Variants in FMN2 observed in about 807,000 individuals in gnomAD.
FMN2 encodes formin-2.
Under a neutral mutation model 142.3 loss-of-function variants are expected in FMN2, and 51 were observed. The ratio of observed to expected loss-of-function variants is 0.36; its 90% CI spans 0.29 to 0.45. FMN2 has a LOEUF of 0.45. Ranked by LOEUF, FMN2 falls within the 20% of genes least tolerant of loss-of-function variation. The pLI is 1.00. For missense variants in FMN2, 1,936 were observed against 2,122.8 expected, an observed-to-expected ratio of 0.91 and a Z score of 1.73; for synonymous variants, 882 against 869.8, an observed-to-expected ratio of 1.01 and a Z score of -0.25.
chr1:240,169,288 G>T (rs1275579899), intron 2 of FMN2, among the ~76,000 whole-genome samples: 3 of 152,148 alleles, frequency 2.0e-5, no homozygotes, highest in African/African-American at 7.2e-5. Flanking sequence ...AATGGGATGG[G>T]CATTTTCAGT....
chr1:240,103,002 C>T (rs1294115109), intron 1 of FMN2, among the ~76,000 whole-genome samples: 1 of 151,810 alleles, frequency 6.6e-6, no homozygotes, highest in Non-Finnish European at 1.5e-5. Context: ...GTAGCTGGGA[C>T]TATAGGCACA....
chr1:240,215,610 G>A (rs34119538), intron 6 of FMN2, among the ~76,000 whole-genome samples: 2,717 of 152,278 alleles, frequency 0.018, 31 homozygotes, highest in African/African-American at 0.032. Flanking sequence ...ATTTGAATGT[G>A]TATTGGTTTT....
intron 4 of FMN2, among the ~76,000 whole-genome samples, chr1:240,197,870 T>C (rs900642961): frequency 1.3e-4 from 19 of 150,574 alleles, no homozygotes; most frequent in Admixed American, 1.2e-3. Flanking sequence ...GGTTTCACCA[T>C]GTTGGCCAGG....
chr1:240,164,686 AC>A (rs777666918), intron 2 of FMN2, among the ~76,000 whole-genome samples: 1 of 152,204 alleles, frequency 6.6e-6, no homozygotes, highest in African/African-American at 2.4e-5. Flanking sequence ...TAACTTCTTA[AC>A]AAAAATAATC....
Position 240,211,144 on chromosome 1 carries a change from G to A in FMN2, c.3974G>A (p.Cys1325Tyr). ...WEKIEEPSIDCHEFEELFSKT... is the reference protein window; with the variant it reads ...WEKIEEPSIDYHEFEELFSKT... ...AAAATTGAAGAGCCATCCATAGATT[G>A]TCATGAATTTGAGGAATTATTTTCT... The change falls in exon 6 of 18, where the codon TGT (cysteine) becomes TAT (tyrosine). Residue 1325 changes from cysteine (C) to tyrosine (Y), a missense_variant. Transcript: ENST00000319653. 6.2e-7 allele frequency: 1 copy of A among 1,613,516 alleles called. No individual in the cohort carries two copies.
intron 16 of FMN2, among the ~76,000 whole-genome samples, chr1:240,463,488 G>T (rs991998782): frequency 6.6e-6 from 1 of 152,132 alleles, no homozygotes; most frequent in Admixed American, 6.5e-5. Context: ...TAGAGGATTG[G>T]ATCTAAAAGT....
intron 11 of FMN2, among the ~76,000 whole-genome samples, chr1:240,333,141 A>G (rs1248635777): frequency 1.3e-5 from 2 of 152,158 alleles, no homozygotes; most frequent in African/African-American, 4.8e-5. Flanking sequence ...ATTATCTACT[A>G]CTACTTTGGA....
chr1:240,324,049 G>A (rs1449962818), intron 8 of FMN2, among the ~76,000 whole-genome samples: 3 of 152,154 alleles, frequency 2.0e-5, no homozygotes, highest in Non-Finnish European at 4.4e-5. Flanking sequence ...TCCTGTTTGG[G>A]CTGCCTGAAG....
At chr1:240,293,835 T>C (rs1669873435) in intron 7 of FMN2, among the ~76,000 whole-genome samples, 1 of 152,198 alleles carries the variant, frequency 6.6e-6, no homozygotes, top group South Asian at 2.1e-4. Context: ...AGATTTCTTA[T>C]CCATCCTGTG....
At chr1:240,362,638 C>A (rs1222540309) in intron 14 of FMN2, among the ~76,000 whole-genome samples, 2 of 152,168 alleles carry the variant, frequency 1.3e-5, no homozygotes, top group Non-Finnish European at 2.9e-5. Flanking sequence ...TATGGATCTG[C>A]TCATGTTGAA....
Position 240,329,379 on chromosome 1 carries a change from C to T in FMN2, c.4348C>T (p.Arg1450Ter), listed in dbSNP as rs762281932. 6 of 1,613,710 alleles carry T rather than the reference C, an allele frequency of 3.7e-6. No individual in the cohort carries two copies. Among genetic ancestry groups the T allele is most frequent in the Non-Finnish European group, 4.2e-6 (5 of 1,179,912 alleles). The change falls in exon 10 of 18, where the codon CGA (arginine) becomes TGA (stop). Residue 1450 changes from arginine (R) to a stop codon, truncating the protein, a stop_gained. Transcript: ENST00000319653. LOFTEE classifies it high-confidence loss of function. The part of the protein sequence containing the change: ...ELSLIPNFSE[R>*]VFCILFQSTF... ...GTCACTAATCCCCAACTTTTCAGAG[C>T]GAGTCTTTTGCATCCTGTTCCAGTC...
At chr1:240,411,347 C>T (rs1377978302) in intron 15 of FMN2, among the ~76,000 whole-genome samples, 1 of 152,060 alleles carries the variant, frequency 6.6e-6, no homozygotes, top group African/African-American at 2.4e-5. Context: ...CTGAGACAGG[C>T]GGATCACGAG....
At chr1:240,212,948 TG>T (rs1226815714) in intron 6 of FMN2, among the ~76,000 whole-genome samples, 5 of 151,264 alleles carry the variant, frequency 3.3e-5, no homozygotes, top group African/African-American at 1.2e-4. Flanking sequence ...TGTGTTTTTT[TG>T]TTTGTTTGTT....
At chr1:240,349,054 A>G (rs1672008901) in intron 13 of FMN2, among the ~76,000 whole-genome samples, 2 of 152,312 alleles carry the variant, frequency 1.3e-5, no homozygotes, top group East Asian at 1.9e-4. Context: ...TACCTACCAC[A>G]CAGCATAGGT....
Position 240,214,629 on chromosome 1 carries a change from C to T in FMN2, c.4065+3394C>T, listed in dbSNP as rs183805337. On this transcript the variant is annotated intron_variant, in intron 6 of 17. Transcript: ENST00000319653. The stretch of plus-strand genomic sequence containing the variant: ...ATGCTTTAGCATTCACACACATTCA[C>T]ACTTGCCCAATTTTAAGGAAGGCTT... Among the ~76,000 whole-genome samples the T allele has an allele frequency of 2.7e-3, 412 of 152,092 alleles. 3 individuals carry two copies. In the South Asian group the frequency reaches 0.027, roughly 10 times the overall value.
chr1:240,332,713 A>G (rs1455157556), intron 11 of FMN2, among the ~76,000 whole-genome samples: 1 of 152,220 alleles, frequency 6.6e-6, no homozygotes, highest in African/African-American at 2.4e-5. Context: ...CAGAAGAGCT[A>G]TACAAAGTCT....
intron 7 of FMN2, 106 bp downstream of exon 7, chr1:240,258,138 G>A (rs1040469617): frequency 5.0e-6 from 4 of 794,464 alleles, no homozygotes; most frequent in Non-Finnish European, 8.2e-6. Context: ...TGTGTAAACC[G>A]AGGTTAGTAT....
At chr1:240,442,384 A>G (rs558374422) in intron 16 of FMN2, among the ~76,000 whole-genome samples, 110 of 152,348 alleles carry the variant, frequency 7.2e-4, no homozygotes, top group Non-Finnish European at 1.2e-3. Flanking sequence ...GCAGTTCACA[A>G]ACCTGATCCT....
rs374715728 is a variant in FMN2, at chr1:240,406,135, G to T, written c.4910+13573G>T. Among the ~76,000 whole-genome samples the T allele has an allele frequency of 3.9e-3, 276 of 71,142 alleles. 13 individuals are homozygous for T. The highest frequency in any genetic ancestry group is 0.022 in the East Asian group (19 of 876). 46.7% of individuals were successfully genotyped at this position (71,142 alleles called of 152,430 possible). On this transcript the variant is annotated intron_variant, in intron 15 of 17. Coordinates refer to ENST00000319653, the MANE Select transcript of FMN2 (RefSeq NM_020066.5). ...GAAGCGAAGGGAATCAGCCTCGGGA[G>T]TGGGGGGAGCGAAGGGAATCAGCCT...
Sources: allele counts gnomAD v4.1 joint callset (sites outside exome capture counted in the v4.1 genomes callset), GRCh38; gene constraint gnomAD v4.1.1; transcripts MANE v1.5; gene names NCBI Gene and HGNC (gene_info 2026-07-23, HGNC 2026-07-21).